The following NAV1 variants were observed in gnomAD, a reference collection of about 807,000 sequenced individuals.
NAV1 encodes the protein pore membrane and/or filament interacting like protein 3.
In NAV1, 18 loss-of-function variants were observed where a neutral mutation model predicts 175.2. The observed-to-expected ratio is 0.10, with a 90% CI of 0.07 to 0.15. The LOEUF is 0.15. Ranked by LOEUF, NAV1 falls within the 10% of genes least tolerant of loss-of-function variation. The probability of loss-of-function intolerance (pLI) is 1.00; values close to 1 mark genes in which losing one functional copy is unlikely to be tolerated. For missense variants in NAV1, 1,731 were observed against 2,436.6 expected, an observed-to-expected ratio of 0.71 and a Z score of 6.10; for synonymous variants, 897 against 978.7, an observed-to-expected ratio of 0.92 and a Z score of 1.56.
Position 201,665,887 on chromosome 1 carries a change from C to T in NAV1, c.757+16462C>T, listed in dbSNP as rs374843144. Among the ~76,000 whole-genome samples the T allele has an allele frequency of 3.9e-5, 6 of 152,126 alleles. No individual in the cohort carries two copies. In the East Asian group the frequency reaches 1.2e-3, roughly 29 times the overall value. ...TAAAAAAAAAAGCCATTCCATCTGC[C>T]TCAAACTGCTCTTCTTAAGATTTTG... is the stretch of plus-strand genomic sequence containing the variant. On this transcript the variant is annotated intron_variant, in intron 1 of 29. Transcript: ENST00000367296.
chr1:201,719,733 C>T (rs868803354), intron 3 of NAV1: 3 of 152,814 alleles, frequency 2.0e-5, no homozygotes, highest in Middle Eastern at 1.3e-3. Flanking sequence ...TGCTGGTGCC[C>T]TCCTCCGCCA....
chr1:201,704,935 A>C (rs1367267103), intron 1 of NAV1, among the ~76,000 whole-genome samples: 1 of 152,166 alleles, frequency 6.6e-6, no homozygotes, highest in East Asian at 1.9e-4. Flanking sequence ...GAAGTAATTC[A>C]CCCTAGCTCC....
intron 1 of NAV1, among the ~76,000 whole-genome samples, chr1:201,583,676 A>G (rs1011866453): frequency 1.3e-5 from 2 of 152,162 alleles, no homozygotes. Flanking sequence ...CTTTCTTCCC[A>G]AGGAAGCCAT....
At chr1:201,618,708 C>A (rs1048034500), upstream of NAV1, among the ~76,000 whole-genome samples, 2 of 152,172 alleles carry the variant, frequency 1.3e-5, no homozygotes, top group African/African-American at 4.8e-5. Flanking sequence ...TGTCCTGGGG[C>A]AGCTCACTTA....
upstream of NAV1, among the ~76,000 whole-genome samples, chr1:201,644,884 A>G (rs1668923231): frequency 6.6e-6 from 1 of 152,240 alleles, no homozygotes; most frequent in Admixed American, 6.5e-5. Flanking sequence ...GGAAGGGACC[A>G]GGCCAAAACA....
Position 201,812,618 on chromosome 1 carries a change from C to T in NAV1, c.5178C>T (p.Leu1726=). ...GGGTACCCAAGCTGTGGTATCATCT[C>T]CACACCTTCCTTGAGAAGCACAGCA... Residue 1726 remains leucine (L), a synonymous_variant, in exon 27 of 30, where the codon CTC becomes CTT. Transcript: ENST00000367296. The surrounding 1 kb of genome is among the most constrained non-coding windows in gnomAD (Gnocchi z 4.6). The T allele has an allele frequency of 6.2e-7, 1 of 1,614,102 alleles. No individual in the cohort carries two copies. Among genetic ancestry groups the T allele is most frequent in the Non-Finnish European group, 8.5e-7 (1 of 1,180,042 alleles).
chr1:201,787,780 G>A lies in NAV1; in HGVS notation c.2996-688G>A. The A allele has an allele frequency of 2.2e-6, 1 of 452,360 alleles. No individual in the cohort carries two copies. Among genetic ancestry groups the A allele is most frequent in the South Asian group, 1.6e-5 (1 of 64,018 alleles). 28.0% of individuals were successfully genotyped at this position (452,360 alleles called of 1,614,324 possible). On this transcript the variant is annotated intron_variant, in intron 9 of 29. Coordinates refer to ENST00000367296, the Ensembl canonical transcript of NAV1. This position sits in a 1 kb window ranked among gnomAD's most constrained non-coding sequence, Gnocchi z 4.3. ...CAATGGGCAAAGGGGTAAGGCATCT[G>A]CAGGTTAACGGGATTCAGCTGAACC...
chr1:201,800,393 G>A (rs1014763586), intron 15 of NAV1, among the ~76,000 whole-genome samples: 5 of 152,204 alleles, frequency 3.3e-5, no homozygotes, highest in African/African-American at 4.8e-5. Flanking sequence ...AACTAGGGGT[G>A]GGCAAATCAT....
intron 2 of NAV1, among the ~76,000 whole-genome samples, chr1:201,602,725 C>T (rs1184497082): frequency 6.7e-6 from 1 of 148,814 alleles, no homozygotes; most frequent in East Asian, 2.0e-4. Flanking sequence ...CAGAGCCAGG[C>T]CTTCTGCACC....
intron 3 of NAV1, among the ~76,000 whole-genome samples, chr1:201,726,723 C>T (rs1672622063): frequency 6.6e-6 from 1 of 151,700 alleles, no homozygotes; most frequent in South Asian, 2.1e-4. Context: ...CTGATGGCTT[C>T]TGCCTTAATT....
Position 201,678,199 on chromosome 1 carries a change from G to A in NAV1, c.757+28774G>A, listed in dbSNP as rs547992363. Among the ~76,000 whole-genome samples, 447 of 152,324 alleles carry A rather than the reference G, an allele frequency of 2.9e-3. 3 individuals carry two copies. Among genetic ancestry groups the A allele is most frequent in the African/African-American group, 0.01 (424 of 41,578 alleles). ...CCCAAAAGGTAAATGAGGGAGCTAC[G>A]TTATGAACTGACTTGGCAGTGAGTT... On this transcript the variant is annotated intron_variant, in intron 1 of 29. Transcript: ENST00000367296.
chr1:201,795,569 A>G (rs1160909247), intron 15 of NAV1: 1 of 152,052 alleles, frequency 6.6e-6, no homozygotes, highest in Non-Finnish European at 1.5e-5. Context: ...CTATGTTCTA[A>G]CTATAATCTT....
Position 201,639,054 on chromosome 1 carries a change from G to A in NAV1, c.4+9547G>A, listed in dbSNP as rs76039514. Among the ~76,000 whole-genome samples, 561 of 152,336 alleles carry A rather than the reference G, an allele frequency of 3.7e-3. 2 individuals are homozygous for A. Among genetic ancestry groups the A allele is most frequent in the African/African-American group, 0.013 (531 of 41,568 alleles). On this transcript the variant is annotated intron_variant, in intron 2 of 29. Transcript: ENST00000367302. Reference sequence around the variant, plus strand: ...GTCATAAGGCCTCCTGGAGGAGGTGGCTCTGAAGCTGGGCCTTGAGGGGAG... The same window carrying A: ...GTCATAAGGCCTCCTGGAGGAGGTGACTCTGAAGCTGGGCCTTGAGGGGAG...
chr1:201,581,014 G>A (rs777728016), intron 1 of NAV1, among the ~76,000 whole-genome samples: 38 of 152,192 alleles, frequency 2.5e-4, no homozygotes, highest in Non-Finnish European at 4.3e-4. Context: ...AGTACTCACT[G>A]CAGGTTGTTC....
At chr1:201,677,794 A>AT (rs960102452) in intron 1 of NAV1, among the ~76,000 whole-genome samples, 1 of 151,790 alleles carries the variant, frequency 6.6e-6, no homozygotes, top group Non-Finnish European at 1.5e-5. Flanking sequence ...CGCCTGGCTA[A>AT]TTTTTTTTAT....
At position 201,613,266 on chromosome 1, in the gene NAV1, G is replaced by C. The variant is rs538171291; in HGVS notation, c.-32-9587G>C. The stretch of plus-strand genomic sequence containing the variant: ...TAAATGTATTTATTTTGGAAACTTG[G>C]CCTGCTGTGTAATTTGGTTACCCTC... On this transcript the variant is annotated intron_variant, in intron 2 of 33. Coordinates refer to the NAV1 transcript ENST00000685211. 2.0e-5 allele frequency among the ~76,000 whole-genome samples: 3 copies of C among 152,144 alleles called. No homozygotes were observed. In the South Asian group the frequency reaches 6.2e-4, roughly 32 times the overall value.
chr1:201,821,551 C>CACACACACACAA (rs1491448398), exon 30 of NAV1: 1 of 138,884 alleles, frequency 7.2e-6, no homozygotes, highest in Non-Finnish European at 1.6e-5. Context: ...CACACACACA[C>CACACACACACAA]AAGACCTGGG....
intron 3 of NAV1, among the ~76,000 whole-genome samples, chr1:201,778,958 G>A (rs953452773): frequency 7.9e-5 from 12 of 152,162 alleles, no homozygotes; most frequent in Admixed American, 5.9e-4. Context: ...AACCTACTCT[G>A]CACACAGATA....
intron 1 of NAV1, among the ~76,000 whole-genome samples, chr1:201,685,886 A>G (rs1412214449): frequency 1.3e-5 from 2 of 152,222 alleles, no homozygotes; most frequent in African/African-American, 2.4e-5. Flanking sequence ...GTGATGATAC[A>G]TGATGGATAC....
Sources: gnomAD v4.1 joint callset for allele counts (sites outside exome capture counted in the v4.1 genomes callset) on GRCh38, gnomAD v4.1.1 for gene constraint, Gnocchi (gnomAD v3.1) non-coding constraint, MANE v1.5 for transcripts, NCBI Gene and HGNC (gene_info 2026-07-23, HGNC 2026-07-21) for gene names.